ZEB1: variants seen among roughly 807,000 people sequenced by gnomAD.
ZEB1 encodes the protein zinc finger E-box binding homeobox 1.
Under a neutral mutation model 84.9 loss-of-function variants are expected in ZEB1, and 21 were observed. That is an observed-to-expected ratio of 0.25 (90% CI 0.18 to 0.36). ZEB1 has a LOEUF of 0.36. ZEB1 is among the 10% of genes least tolerant of loss of function. The pLI is 1.00. For missense variants in ZEB1, 1,104 were observed against 1,330.2 expected (o/e 0.83, Z 2.65); for synonymous variants, 420 against 471.1 (o/e 0.89, Z 1.41).
At chr10:31,382,216 G>GT (rs1361036648) in intron 1 of ZEB1, among the ~76,000 whole-genome samples, 3 of 151,764 alleles carry the variant, frequency 2.0e-5, no homozygotes, top group Admixed American at 6.6e-5. Flanking sequence ...CCCTTTACTA[G>GT]TTTCAAACAT....
chr10:31,338,471 A>C (rs149710328), intron 1 of ZEB1, among the ~76,000 whole-genome samples: 74 of 152,344 alleles, frequency 4.9e-4, no homozygotes, highest in African/African-American at 1.3e-3. Flanking sequence ...TGTGCACTTA[A>C]CCACTAAGCT....
intron 1 of ZEB1, among the ~76,000 whole-genome samples, chr10:31,401,020 C>T (rs1306148561): frequency 6.6e-6 from 1 of 151,988 alleles, no homozygotes; most frequent in African/African-American, 2.4e-5. Flanking sequence ...TGTTTTCTTC[C>T]TGTTGGACAT....
chr10:31,487,009 GAA>G (rs936646028), intron 2 of ZEB1, among the ~76,000 whole-genome samples: 29 of 151,428 alleles, frequency 1.9e-4, no homozygotes, highest in African/African-American at 6.8e-4. Flanking sequence ...ACTGCTTGTT[GAA>G]AAGACTATTC....
chr10:31,368,749 A>ATTTT (rs1344031888), intron 1 of ZEB1, among the ~76,000 whole-genome samples: 2 of 152,214 alleles, frequency 1.3e-5, no homozygotes, highest in African/African-American at 2.4e-5. Flanking sequence ...TGATAAGAAT[A>ATTTT]TTTTGTTCCC....
chr10:31,318,893 T>TCC, upstream of ZEB1: 1 of 385,614 alleles, frequency 2.6e-6, no homozygotes, highest in Non-Finnish European at 5.0e-6. Context: ...CCTCCAACTT[T>TCC]ACCTTTCCAA....
At chr10:31,516,674 G>C (rs903632529) in intron 6 of ZEB1, among the ~76,000 whole-genome samples, 3 of 147,536 alleles carry the variant, frequency 2.0e-5, no homozygotes, top group Non-Finnish European at 4.5e-5. Flanking sequence ...GAACAAAACA[G>C]AAGTTATATA....
In ZEB1 at chr10:31,521,622, G is replaced by A; in HGVS notation, c.2290G>A (p.Val764Ile). The A allele has an allele frequency of 6.2e-7, 1 of 1,614,058 alleles. No individual in the cohort carries two copies. The highest frequency in any genetic ancestry group is 8.5e-7 in the Non-Finnish European group (1 of 1,180,000). Residue 764 changes from valine to isoleucine, a missense_variant, in exon 7 of 9, where the codon GTC (valine) becomes ATC (isoleucine). Val to Ile is a conservative substitution (Grantham distance 29). This residue lies in a region of ZEB1 where 531 missense variants were observed against 575.2 expected (regional missense o/e 0.92). Coordinates refer to ENST00000424869, the MANE Select transcript of ZEB1 (RefSeq NM_001174096.2). ...TGTTTACCAGAACAGTGTTTATTCT[G>A]TCCAGGAAGAACCCTTGAACTTGTC... ...TSVYQNSVYS[V>I]QEEPLNLSCA...
At chr10:31,445,243 T>G (rs1205426752) in intron 1 of ZEB1, among the ~76,000 whole-genome samples, 1 of 148,920 alleles carries the variant, frequency 6.7e-6, no homozygotes, top group Non-Finnish European at 1.5e-5. Flanking sequence ...TAAGAATGCT[T>G]GTGATTTTTG....
intron 5 of ZEB1, among the ~76,000 whole-genome samples, chr10:31,513,784 C>T (rs747674096): frequency 1.3e-5 from 2 of 152,072 alleles, no homozygotes; most frequent in African/African-American, 2.4e-5. Context: ...AACCATGGCT[C>T]GCTAAATGAC....
At chr10:31,380,440 T>A (rs759712590) in intron 1 of ZEB1, among the ~76,000 whole-genome samples, 3 of 152,150 alleles carry the variant, frequency 2.0e-5, no homozygotes, top group Non-Finnish European at 4.4e-5. Context: ...AAGGAGCATA[T>A]AATGTCTGCT....
At chr10:31,430,811 G>C (rs1386597908) in intron 1 of ZEB1, among the ~76,000 whole-genome samples, 1 of 152,070 alleles carries the variant, frequency 6.6e-6, no homozygotes, top group Non-Finnish European at 1.5e-5. Flanking sequence ...TACATAGCAA[G>C]ACAAAATTGA....
intron 1 of ZEB1, among the ~76,000 whole-genome samples, chr10:31,442,108 T>G (rs973453180): frequency 6.6e-6 from 1 of 152,112 alleles, no homozygotes; most frequent in Admixed American, 6.6e-5. Context: ...CACATGCACA[T>G]GTATGTTGAT....
In ZEB1 at chr10:31,521,808, T is replaced by A. The variant is rs1466315024; in HGVS notation, c.2476T>A (p.Cys826Ser). Residue 826 changes from cysteine to serine, a missense_variant, in exon 7 of 9, where the codon TGC (cysteine) becomes AGC (serine). By Grantham distance (112) the Cys-to-Ser change is moderately radical. Coordinates refer to ENST00000424869, the MANE Select transcript of ZEB1 (RefSeq NM_001174096.2). ...CATTGCTGACCAGAACAGTGTTCCA[T>A]GCTTAAGAGCGCTAGCTGCCAATAA... The part of the protein sequence containing the change: ...VAIADQNSVP[C>S]LRALAANKQT... The A allele has an allele frequency of 1.4e-5, 22 of 1,613,720 alleles. No homozygotes were observed. The highest frequency in any genetic ancestry group is 1.8e-5 in the Non-Finnish European group (21 of 1,179,816).
intron 1 of ZEB1, chr10:31,373,136 G>C: frequency 6.1e-6 from 6 of 985,332 alleles, no homozygotes; most frequent in Non-Finnish European, 6.0e-6. Flanking sequence ...GCACTATCAA[G>C]AAAGACTAAT....
intron 1 of ZEB1, among the ~76,000 whole-genome samples, chr10:31,417,766 A>C (rs1406464760): frequency 1.3e-5 from 2 of 152,030 alleles, no homozygotes; most frequent in Non-Finnish European, 2.9e-5. Flanking sequence ...GGTACTTTGA[A>C]CATAATAGGG....
At chr10:31,434,750 G>A (rs1345123607) in intron 1 of ZEB1, among the ~76,000 whole-genome samples, 3 of 152,068 alleles carry the variant, frequency 2.0e-5, no homozygotes, top group South Asian at 2.1e-4. Flanking sequence ...CTATTGTAGC[G>A]GAATAAAAAA....
chr10:31,406,558 A>C (rs977605475), intron 1 of ZEB1, among the ~76,000 whole-genome samples: 1 of 151,662 alleles, frequency 6.6e-6, no homozygotes, highest in Non-Finnish European at 1.5e-5. Flanking sequence ...TTTCTTGTAA[A>C]TTTGTTTAAG....
chr10:31,450,767 T>G (rs74740390), intron 1 of ZEB1, among the ~76,000 whole-genome samples: 2,307 of 152,318 alleles, frequency 0.015, 44 homozygotes, highest in African/African-American at 0.052. Flanking sequence ...TCCTTTATGT[T>G]AATATAGTAA....
chr10:31,357,282 G>A (rs1233430584), intron 1 of ZEB1, among the ~76,000 whole-genome samples: 1 of 152,168 alleles, frequency 6.6e-6, no homozygotes, highest in African/African-American at 2.4e-5. Flanking sequence ...CCATCTGCGT[G>A]TGTATAACTG....
Sources: gnomAD v4.1 joint callset for allele counts (sites outside exome capture counted in the v4.1 genomes callset) on GRCh38, gnomAD v4.1.1 for gene constraint, gnomAD v4.1.1 regional missense constraint, MANE v1.5 for transcripts, NCBI Gene and HGNC (gene_info 2026-07-23, HGNC 2026-07-21) for gene names.